Variants in MINDY2 observed in about 807,000 individuals in gnomAD.
The protein encoded by MINDY2 is MINDY lysine 48 deubiquitinase 2.
In MINDY2, 52 loss-of-function variants were observed where a neutral mutation model predicts 68.2. The ratio of observed to expected loss-of-function variants is 0.76; its 90% CI spans 0.61 to 0.96. MINDY2 has a LOEUF of 0.96. MINDY2 is among the 40% of genes least tolerant of loss of function. The probability of loss-of-function intolerance (pLI) is 0.00; values close to 1 mark genes in which losing one functional copy is unlikely to be tolerated. For synonymous variants in MINDY2, 372 were observed against 303.0 expected (o/e 1.23, Z -2.36); for missense variants, 881 against 773.4 (o/e 1.14, Z -1.65).
intron 7 of MINDY2, among the ~76,000 whole-genome samples, chr15:58,849,989 G>T (rs2032735709): frequency 6.6e-6 from 1 of 152,052 alleles, no homozygotes; most frequent in African/African-American, 2.4e-5. Context: ...TGCCCGCCTT[G>T]GCCCCCTAAA....
intron 4 of MINDY2, among the ~76,000 whole-genome samples, chr15:58,818,175 T>G (rs2030825682): frequency 6.6e-6 from 1 of 152,388 alleles, no homozygotes; most frequent in Middle Eastern, 3.4e-3. Flanking sequence ...TAAACCATTT[T>G]GCTCACTGTT....
chr15:58,772,306 T>C (rs1900485664), intron 1 of MINDY2, 71 bp downstream of exon 1: 2 of 1,580,754 alleles, frequency 1.3e-6, no homozygotes, highest in Non-Finnish European at 1.7e-6. Flanking sequence ...AGCTGCTGCA[T>C]GTCAGGTGAT....
rs2033217694 is a variant in MINDY2 at position 58,861,517 on chromosome 15, G to C, written c.*6907G>C. On this transcript the variant is annotated 3_prime_UTR_variant, in exon 9 of 9. Transcript: ENST00000559228. ...GAAAGAGCATTGAAATACATTTTTT[G>C]CATAAAGATACCTAAAACCATCTAC... The C allele has an allele frequency of 1.3e-5, 2 of 151,972 alleles. No individual in the cohort carries two copies. 9.4% of individuals were successfully genotyped at this position (151,972 alleles called of 1,614,324 possible). A position where few individuals can be genotyped will look rare whatever the true frequency, so the allele number is the denominator to read the frequency against.
chr15:58,772,303 G>C, intron 1 of MINDY2, 68 bp downstream of exon 1: 1 of 1,586,400 alleles, frequency 6.3e-7, no homozygotes, highest in Admixed American at 1.7e-5. Context: ...GGGAGCTGCT[G>C]CATGTCAGGT....
intron 3 of MINDY2, among the ~76,000 whole-genome samples, chr15:58,803,468 TAAAA>T (rs542134628): frequency 8.1e-6 from 1 of 122,972 alleles, no homozygotes; most frequent in Non-Finnish European, 1.8e-5. Flanking sequence ...CTCTGTCTCA[TAAAA>T]AAAAAAAAAA....
chr15:58,842,372 A>G (rs1170808024), intron 6 of MINDY2, among the ~76,000 whole-genome samples: 1 of 152,174 alleles, frequency 6.6e-6, no homozygotes, highest in Admixed American at 6.6e-5. Flanking sequence ...AAGGAGGTAC[A>G]GTTCTGGATA....
intron 4 of MINDY2, among the ~76,000 whole-genome samples, chr15:58,814,913 G>C (rs1440478907): frequency 1.3e-5 from 2 of 151,396 alleles, no homozygotes; most frequent in Non-Finnish European, 2.9e-5. Context: ...AGAGTGCCGA[G>C]GTTACAAATG....
chr15:58,794,361 GTGT>G (rs1567045727), intron 2 of MINDY2, among the ~76,000 whole-genome samples: 5,403 of 118,054 alleles, frequency 0.046, 209 homozygotes, highest in African/African-American at 0.13. Flanking sequence ...TTTTTGGGGT[GTGT>G]GTGTGTGTGT....
At chr15:58,826,111 T>C (rs548025813) in intron 5 of MINDY2, among the ~76,000 whole-genome samples, 1 of 152,106 alleles carries the variant, frequency 6.6e-6, no homozygotes, top group South Asian at 2.1e-4. Flanking sequence ...TTTTAAAAAA[T>C]CTCAAACCTA....
intron 2 of MINDY2, among the ~76,000 whole-genome samples, chr15:58,792,755 A>G (rs1005050882): frequency 1.3e-5 from 2 of 152,264 alleles, no homozygotes; most frequent in Non-Finnish European, 2.9e-5. Flanking sequence ...TGAAGTACGA[A>G]TACATGCTAT....
intron 2 of MINDY2, among the ~76,000 whole-genome samples, chr15:58,789,890 G>T (rs754269053): frequency 6.6e-6 from 1 of 151,912 alleles, no homozygotes; most frequent in Non-Finnish European, 1.5e-5. Context: ...CAGGTGATCC[G>T]CCCACCTGAG....
At chr15:58,803,185 G>A (rs1902779487) in intron 3 of MINDY2, among the ~76,000 whole-genome samples, 1 of 152,134 alleles carries the variant, frequency 6.6e-6, no homozygotes, top group African/African-American at 2.4e-5. Flanking sequence ...TCAACAAGTT[G>A]GCTGGGCGTG....
intron 3 of MINDY2, among the ~76,000 whole-genome samples, chr15:58,804,110 CAAAAA>C (rs1363836434): frequency 3.0e-5 from 4 of 134,088 alleles, no homozygotes; most frequent in Non-Finnish European, 6.5e-5. Flanking sequence ...GCCGGGGCGA[CAAAAA>C]AAAAAGGAGG....
intron 4 of MINDY2, among the ~76,000 whole-genome samples, chr15:58,811,457 G>A (rs1306905399): frequency 6.6e-6 from 1 of 152,166 alleles, no homozygotes; most frequent in Non-Finnish European, 1.5e-5. Flanking sequence ...AAGTTAAGGG[G>A]AACAACAAGT....
intron 2 of MINDY2, among the ~76,000 whole-genome samples, chr15:58,791,215 T>TA (rs1901872070): frequency 5.0e-5 from 4 of 79,586 alleles, no homozygotes; most frequent in African/African-American, 1.4e-4. Context: ...GAAAGCAATT[T>TA]TATATATATA....
intron 2 of MINDY2, among the ~76,000 whole-genome samples, chr15:58,792,695 A>T (rs1187747507): frequency 1.3e-5 from 2 of 152,262 alleles, no homozygotes; most frequent in African/African-American, 4.8e-5. Context: ...ACTGATGAGC[A>T]GATAAATATA....
At chr15:58,800,834 CAAAAAAAAA>C (rs59075081) in intron 2 of MINDY2, among the ~76,000 whole-genome samples, 1 of 109,256 alleles carries the variant, frequency 9.2e-6, no homozygotes, top group African/African-American at 3.4e-5. Flanking sequence ...GACTCTGTCT[CAAAAAAAAA>C]AAAAAAAAAA....
chr15:58,805,036 ATTGGAATACAC>A (rs1902923662), intron 3 of MINDY2, among the ~76,000 whole-genome samples: 1 of 152,212 alleles, frequency 6.6e-6, no homozygotes, highest in African/African-American at 2.4e-5. Flanking sequence ...TCCATCTTGC[ATTGGAATACAC>A]TCCCATTACA....
rs375464228 is a variant in MINDY2 at position 58,840,697 on chromosome 15, C to T, written c.1369-6600C>T. Among the ~76,000 whole-genome samples, 5 of 148,926 alleles carry T rather than the reference C, an allele frequency of 3.4e-5. No homozygotes were observed. The East Asian group carries it at 9.7e-4, about 29-fold the overall frequency. On this transcript the variant is annotated intron_variant, in intron 6 of 8. Transcript: ENST00000559228. The stretch of plus-strand genomic sequence containing the variant: ...TTTGAGATGGAGTCTTTCTCTGTCA[C>T]CCAGGCTGGAGTGCAGTGGTGTGAT...
Sources: gnomAD v4.1 joint callset for allele counts (sites outside exome capture counted in the v4.1 genomes callset) on GRCh38, gnomAD v4.1.1 for gene constraint, MANE v1.5 for transcripts, NCBI Gene and HGNC (gene_info 2026-07-23, HGNC 2026-07-21) for gene names.